RBBP6: variants seen among roughly 807,000 people sequenced by gnomAD.
RBBP6 encodes E3 ubiquitin-protein ligase RBBP6.
RBBP6 carries 25 observed loss-of-function variants against 167.7 expected under a neutral mutation model. The ratio of observed to expected loss-of-function variants is 0.15; its 90% CI spans 0.11 to 0.21. The LOEUF (loss-of-function observed/expected upper bound fraction) is 0.21. RBBP6 is among the 10% of genes least tolerant of loss of function. RBBP6 has a pLI of 1.00. For missense variants in RBBP6, 1,868 were observed against 2,134.2 expected (o/e 0.88, Z 2.46); for synonymous variants, 789 against 735.8 (o/e 1.07, Z -1.17).
intron 7 of RBBP6, among the ~76,000 whole-genome samples, chr16:24,557,846 A>G (rs1042737074): frequency 6.6e-6 from 1 of 152,200 alleles, no homozygotes; most frequent in African/African-American, 2.4e-5. Flanking sequence ...CCATAGAATG[A>G]TATTGAAAAG....
chr16:24,548,480 C>T (rs1213625610), intron 2 of RBBP6, among the ~76,000 whole-genome samples: 4 of 152,066 alleles, frequency 2.6e-5, no homozygotes, highest in Non-Finnish European at 5.9e-5. Context: ...CAGCCTGGCC[C>T]TCCAGATTTG....
chr16:24,571,402 T>C lies in RBBP6; in HGVS notation c.4336T>C (p.Ser1446Pro), dbSNP rs200556416. 6.2e-7 allele frequency: 1 copy of C among 1,613,912 alleles called. No individual in the cohort carries two copies. Among genetic ancestry groups the C allele is most frequent in the Non-Finnish European group, 8.5e-7 (1 of 1,180,002 alleles). ...AGGAAATTTTAAAAGTCTGTCTCAA[T>C]CTTCCAAAGAGGCTAGAACGTCAGA... ...EQGNFKSLSQ[S>P]SKEARTSDKH... The change falls in exon 18 of 18, where the codon TCT becomes CCT. Residue 1446 changes from serine (S) to proline (P), a missense_variant. Physicochemically the swap from Ser to Pro is moderately conservative, Grantham distance 74 (BLOSUM62 -1). Coordinates refer to ENST00000319715, the MANE Select transcript of RBBP6 (RefSeq NM_006910.5).
Position 24,572,012 on chromosome 16 carries a change from A to G in RBBP6, c.4946A>G (p.Asn1649Ser), listed in dbSNP as rs1028365092. Residue 1649 changes from asparagine to serine, a missense_variant, in exon 18 of 18, where the codon AAT becomes AGT. This residue lies in a region of RBBP6 where 591 missense variants were observed against 540.5 expected (regional missense o/e 1.09). Coordinates refer to ENST00000319715, the MANE Select transcript of RBBP6 (RefSeq NM_006910.5). ...TATAATGAAAGTGACAGTGAAAGTAATGTTTCTGTAAAAGAAGAGGAATCT... is the reference window on the plus strand; with the variant it reads ...TATAATGAAAGTGACAGTGAAAGTAGTGTTTCTGTAAAAGAAGAGGAATCT... ...PDYNESDSES[N>S]VSVKEEESSG... is the part of the protein sequence containing the mutation. 2.5e-6 allele frequency: 4 copies of G among 1,614,104 alleles called. 1 individual carries two copies. In the South Asian group the frequency reaches 3.3e-5, roughly 13 times the overall value.
chr16:24,571,114 A>G lies in RBBP6; in HGVS notation c.4048A>G (p.Lys1350Glu). Reference protein sequence around the residue: ...SSVGKPASVIKNVSTKPSNIV... With the variant: ...SSVGKPASVIENVSTKPSNIV... ...TGTAGGAAAACCTGCTAGTGTTATA[A>G]AAAATGTTAGTACAAAGCCATCAAA... Residue 1350 changes from lysine to glutamate, a missense_variant, in exon 18 of 18, where the codon AAA becomes GAA. Lys to Glu is a moderately conservative substitution (Grantham distance 56). Transcript: ENST00000319715. The G allele has an allele frequency of 6.2e-7, 1 of 1,613,010 alleles. No individual in the cohort carries two copies. Among genetic ancestry groups the G allele is most frequent in the Non-Finnish European group, 8.5e-7 (1 of 1,179,404 alleles).
intron 3 of RBBP6, chr16:24,549,371 G>C (rs1326710427): frequency 2.9e-6 from 3 of 1,026,954 alleles, no homozygotes; most frequent in African/African-American, 1.7e-5. Flanking sequence ...TGTGCTTTTT[G>C]TTTCTTGCAA....
intron 10 of RBBP6, 64 bp from the exon 11 acceptor site, chr16:24,563,135 T>C (rs1291004999): frequency 7.3e-7 from 1 of 1,370,144 alleles, no homozygotes; most frequent in Non-Finnish European, 1.0e-6. Context: ...AGCAGCAAAC[T>C]TTTTTACTCT....
chr16:24,559,799 C>A, intron 8 of RBBP6, 122 bp downstream of exon 8: 2 of 869,842 alleles, frequency 2.3e-6, no homozygotes, highest in South Asian at 2.9e-5. Context: ...AAGTGTTGAT[C>A]AATGAGCATT....
Position 24,572,638 on chromosome 16 carries a change from G to A in RBBP6, c.*193G>A. The A allele has an allele frequency of 1.3e-6, 1 of 773,850 alleles. No homozygotes were observed. The highest frequency in any genetic ancestry group is 1.9e-6 in the Non-Finnish European group (1 of 532,370). The allele number at this position is 773,850 out of a possible 1,614,324, so 47.9% of individuals were successfully genotyped here. A position where few individuals can be genotyped will look rare whatever the true frequency, so the allele number is the denominator to read the frequency against. ...ACTTTTGTACAGAATTGTGAGTTGT[G>A]ACCATGTAACATGAGAGGTTTTGCT... On this transcript the variant is annotated 3_prime_UTR_variant, in exon 18 of 18. Coordinates refer to ENST00000319715, the MANE Select transcript of RBBP6 (RefSeq NM_006910.5).
At chr16:24,552,699 C>T (rs1340071081) in intron 3 of RBBP6, among the ~76,000 whole-genome samples, 1 of 151,764 alleles carries the variant, frequency 6.6e-6, no homozygotes, top group East Asian at 1.9e-4. Context: ...CACAAAGATG[C>T]CTCTTCAAAT....
In RBBP6 at chr16:24,569,104, C is replaced by T. The variant is rs775324757; in HGVS notation, c.2414C>T (p.Pro805Leu). The change falls in exon 17 of 18, where the codon CCA (proline) becomes CTA (leucine). Residue 805 changes from proline to leucine, a missense_variant. By Grantham distance (98) the Pro-to-Leu change is moderately conservative. This residue lies in a region of RBBP6 where 673 missense variants were observed against 691.5 expected (regional missense o/e 0.97). Coordinates refer to ENST00000319715, the MANE Select transcript of RBBP6 (RefSeq NM_006910.5). ...AATAGATACAGAGAAGTTCCACCAC[C>T]ATATGACATGAAAGCATATTATGGG... ...YFNRYREVPP[P>L]YDMKAYYGRS... is the part of the protein sequence containing the mutation. 1.2e-6 allele frequency: 2 copies of T among 1,613,568 alleles called. No homozygotes were observed. Among genetic ancestry groups the T allele is most frequent in the Admixed American group, 3.3e-5 (2 of 59,918 alleles).
chr16:24,565,002 G>GGT (rs2141474660), intron 14 of RBBP6, 137 bp downstream of exon 14: 2 of 1,343,088 alleles, frequency 1.5e-6, no homozygotes, highest in East Asian at 5.4e-5. Context: ...TTAAGTCCTG[G>GGT]GTAGTTGTCC....
At position 24,571,316 on chromosome 16, in the gene RBBP6, A is replaced by G. The variant is rs756481858; in HGVS notation, c.4250A>G (p.Glu1417Gly). The G allele has an allele frequency of 1.9e-6, 3 of 1,614,148 alleles. No homozygotes were observed. In the South Asian group the frequency reaches 3.3e-5, roughly 18 times the overall value. ...DYSVLEKENP[E>G]KRKNSTQPEK... ...TCAGTGTTGGAAAAGGAGAACCCTG[A>G]AAAGAGGAAGAACAGCACTCAGCCA... Residue 1417 changes from glutamate to glycine, a missense_variant, in exon 18 of 18, where the codon GAA becomes GGA. Physicochemically the swap from Glu to Gly is moderately conservative, Grantham distance 98. Around this residue, in one of 7 missense-constraint regions of RBBP6, gnomAD observed 591 missense variants for 540.5 expected, o/e 1.09. Transcript: ENST00000319715.
At position 24,570,010 on chromosome 16, in the gene RBBP6, A is replaced by T; in HGVS notation, c.3320A>T (p.Glu1107Val). 6.3e-7 allele frequency: 1 copy of T among 1,599,594 alleles called. No individual in the cohort carries two copies. Among genetic ancestry groups the T allele is most frequent in the East Asian group, 2.2e-5 (1 of 44,806 alleles). The change falls in exon 17 of 18, where the codon GAG becomes GTG. Residue 1107 changes from glutamate to valine, a missense_variant. By Grantham distance (121) the Glu-to-Val change is moderately radical (BLOSUM62 -2). Transcript: ENST00000319715. ...KEHQETKPVK[E>V]EKVKKDYSKD... is the part of the protein sequence containing the mutation. Reference sequence around the variant, plus strand: ...CACCAAGAAACAAAACCAGTCAAAGAGGAAAAAGTGAAGAAGGACTATTCC... The same window carrying T: ...CACCAAGAAACAAAACCAGTCAAAGTGGAAAAAGTGAAGAAGGACTATTCC...
rs1402882050 is a variant in RBBP6 at position 24,553,576 on chromosome 16, T to A, written c.348+19T>A. On this transcript the variant is annotated intron_variant, in intron 4 of 17. Coordinates refer to ENST00000319715, the MANE Select transcript of RBBP6 (RefSeq NM_006910.5). ...TACAAAGGTATATATATATATATAT[T>A]CTTGAAAATATAAGTTTTTTTCTAA... 6.6e-7 allele frequency: 1 copy of A among 1,518,792 alleles called. No homozygotes were observed. The highest frequency in any genetic ancestry group is 9.0e-7 in the Non-Finnish European group (1 of 1,117,130). 94.1% of individuals were successfully genotyped at this position (1,518,792 alleles called of 1,614,324 possible). A position where few individuals can be genotyped will look rare whatever the true frequency, so the allele number is the denominator to read the frequency against.
At chr16:24,545,346 ACAG>A in intron 1 of RBBP6, among the ~76,000 whole-genome samples, 1 of 152,280 alleles carries the variant, frequency 6.6e-6, no homozygotes, top group Admixed American at 6.5e-5. Flanking sequence ...TGCTGGTATT[ACAG>A]GCGTGAACCA....
intron 1 of RBBP6, among the ~76,000 whole-genome samples, chr16:24,541,191 AACAAAAAAAAAAC>A (rs1898480740): frequency 2.5e-5 from 2 of 78,500 alleles, no homozygotes; most frequent in Non-Finnish European, 2.5e-5. Context: ...CAAAAAAAAA[AACAAAAAAAAAAC>A]CAAAAAAACA....
chr16:24,572,001 C>T lies in RBBP6; in HGVS notation c.4935C>T (p.Asp1645=), dbSNP rs1368014212. Residue 1645 remains aspartate, a synonymous_variant, in exon 18 of 18, where the codon GAC becomes GAT. Transcript: ENST00000319715. ...AAFEPDYNES[D]SESNVSVKEE... is the part of the protein sequence containing the mutation. The stretch of plus-strand genomic sequence containing the variant: ...TTGAACCAGACTATAATGAAAGTGA[C>T]AGTGAAAGTAATGTTTCTGTAAAAG... 4.3e-6 allele frequency: 7 copies of T among 1,613,770 alleles called. No homozygotes were observed. The highest frequency in any genetic ancestry group is 5.9e-6 in the Non-Finnish European group (7 of 1,179,944).
chr16:24,550,128 G>A (rs1186019245), intron 3 of RBBP6, among the ~76,000 whole-genome samples: 3 of 151,866 alleles, frequency 2.0e-5, no homozygotes, highest in Non-Finnish European at 4.4e-5. Flanking sequence ...GGTATTGCTT[G>A]CTATTTCACA....
In RBBP6 at chr16:24,540,807, G is replaced by C. The variant is rs1366418319; in HGVS notation, c.166+15G>C. The C allele has an allele frequency of 6.2e-7, 1 of 1,602,764 alleles. No individual in the cohort carries two copies. The highest frequency in any genetic ancestry group is 8.5e-7 in the Non-Finnish European group (1 of 1,175,546). On this transcript the variant is annotated intron_variant, in intron 1 of 17. Coordinates refer to ENST00000319715, the MANE Select transcript of RBBP6 (RefSeq NM_006910.5). The stretch of plus-strand genomic sequence containing the variant: ...GACGAAAGAAGGTAAGGGCCGCTTG[G>C]TCTTAAGATATTTGGTGGCTGGAGA...
Sources: allele counts gnomAD v4.1 joint callset (sites outside exome capture counted in the v4.1 genomes callset), GRCh38; gene constraint gnomAD v4.1.1; regional missense constraint gnomAD v4.1.1; transcripts MANE v1.5; gene names NCBI Gene and HGNC (gene_info 2026-07-23, HGNC 2026-07-21).